PLD3: variants seen among roughly 807,000 people sequenced by gnomAD.
PLD3 encodes the protein phospholipase D family member 3, also known as 5'-3' exonuclease PLD3.
In PLD3, 31 loss-of-function variants were observed where a neutral mutation model predicts 58.4. That is an observed-to-expected ratio of 0.53 (90% CI 0.40 to 0.72). The LOEUF is 0.72. Among genes scored for constraint, PLD3 ranks in the 30% least tolerant of loss-of-function variants. The pLI, the probability that PLD3 is intolerant of heterozygous loss-of-function variation, is 0.00. For missense variants in PLD3, 595 were observed against 659.8 expected, an observed-to-expected ratio of 0.90 and a Z score of 1.08; for synonymous variants, 264 against 273.4, an observed-to-expected ratio of 0.97 and a Z score of 0.34.
intron 10 of PLD3, chr19:40,376,371 G>GAAAT: frequency 2.1e-6 from 1 of 478,278 alleles, no homozygotes; most frequent in Non-Finnish European, 3.7e-6. Context: ...AAAAAAGAAA[G>GAAAT]AATAAAAGAG....
chr19:40,374,705 G>T, intron 10 of PLD3, 85 bp downstream of exon 10: 1 of 1,486,602 alleles, frequency 6.7e-7, no homozygotes, highest in Middle Eastern at 1.8e-4. Context: ...AGCTGGTGGG[G>T]GCTCCAGGCA....
intron 1 of PLD3, among the ~76,000 whole-genome samples, chr19:40,361,956 C>T (rs185904986): frequency 1.1e-4 from 17 of 152,198 alleles, no homozygotes; most frequent in Admixed American, 8.5e-4. Flanking sequence ...CCCACCTCAG[C>T]CTCCTGAGTA....
chr19:40,374,927 G>A (rs2079156916), intron 10 of PLD3: 2 of 343,574 alleles, frequency 5.8e-6, no homozygotes, highest in South Asian at 3.1e-5. Flanking sequence ...GGGCTGAGGT[G>A]GGTGGATCAC....
At chr19:40,359,048 TG>T (rs1281750340) in intron 1 of PLD3, 2 of 152,328 alleles carry the variant, frequency 1.3e-5, no homozygotes, top group African/African-American at 4.8e-5. Flanking sequence ...ATCTCTTTTT[TG>T]TTTTTTGTTT....
Position 40,364,647 on chromosome 19 carries a change from T to A in PLD3, c.-278-1071T>A, listed in dbSNP as rs555453801. On this transcript the variant is annotated intron_variant, in intron 1 of 12. Coordinates refer to ENST00000409735, the MANE Select transcript of PLD3 (RefSeq NM_012268.4). ...TCTACTAAAAAATACAAAAAAAAAA[T>A]TAGCCGGGCATGGTGGCGGGCGCCT... is the stretch of plus-strand genomic sequence containing the variant. Among the ~76,000 whole-genome samples the A allele has an allele frequency of 8.2e-3, 1,242 of 151,142 alleles. 8 individuals are homozygous for A. The highest frequency in any genetic ancestry group is 0.036 in the South Asian group (170 of 4,770).
intron 1 of PLD3, among the ~76,000 whole-genome samples, chr19:40,355,462 G>A (rs998473724): frequency 3.3e-5 from 5 of 151,278 alleles, no homozygotes; most frequent in South Asian, 4.2e-4. Context: ...ACAGGCACGC[G>A]CCACCAGGGC....
At chr19:40,367,654 C>T (rs754109219) in intron 5 of PLD3, 42 bp from the exon 6 acceptor site, 1 of 1,552,502 alleles carries the variant, frequency 6.4e-7, no homozygotes, top group South Asian at 1.2e-5. Context: ...CCAGCCCTTG[C>T]TCTCCGGCAC....
chr19:40,366,244 T>G, intron 2 of PLD3, 175 bp from the exon 3 acceptor site: 1 of 594,228 alleles, frequency 1.7e-6, no homozygotes, highest in Non-Finnish European at 3.0e-6. Flanking sequence ...GCGTTGGATT[T>G]TGAGGGATTT....
chr19:40,361,867 G>C (rs1044707794), intron 1 of PLD3, among the ~76,000 whole-genome samples: 2 of 150,080 alleles, frequency 1.3e-5, no homozygotes, highest in Non-Finnish European at 3.0e-5. Flanking sequence ...TTTTGAGACG[G>C]AGTTTCCTTT....
rs984216208 is a variant in PLD3 at position 40,361,440 on chromosome 19, G to A, written c.-278-4278G>A. On this transcript the variant is annotated intron_variant, in intron 1 of 12. Coordinates refer to ENST00000409735, the MANE Select transcript of PLD3 (RefSeq NM_012268.4). ...TCCCCATCTCTTAAAAAAATCTGAA[G>A]CAGATCACATCATCCTTCCCTGCTG... Among the ~76,000 whole-genome samples the A allele has an allele frequency of 2.0e-5, 3 of 152,072 alleles. No homozygotes were observed. The South Asian group carries it at 6.2e-4, about 32-fold the overall frequency.
chr19:40,378,183 C>A lies in PLD3; in HGVS notation c.*10C>A. 1 of 1,603,584 alleles carries A rather than the reference C, an allele frequency of 6.2e-7. No individual in the cohort carries two copies. The highest frequency in any genetic ancestry group is 8.5e-7 in the Non-Finnish European group (1 of 1,174,506). On this transcript the variant is annotated 3_prime_UTR_variant, in exon 13 of 13. Coordinates refer to ENST00000409735, the MANE Select transcript of PLD3 (RefSeq NM_012268.4). Reference sequence around the variant, plus strand: ...CTGCCGCCTGCTCTGAGGCCCGATCCAGTGGGCAGGCCAAGGCCTGCTGGG... The same window carrying A: ...CTGCCGCCTGCTCTGAGGCCCGATCAAGTGGGCAGGCCAAGGCCTGCTGGG...
chr19:40,375,816 T>C, intron 10 of PLD3, among the ~76,000 whole-genome samples: 1 of 151,996 alleles, frequency 6.6e-6, no homozygotes, highest in Non-Finnish European at 1.5e-5. Flanking sequence ...CCCAACACTT[T>C]GGGAGGCCGA....
chr19:40,362,671 C>T (rs2078816002), intron 1 of PLD3, among the ~76,000 whole-genome samples: 1 of 152,198 alleles, frequency 6.6e-6, no homozygotes, highest in African/African-American at 2.4e-5. Flanking sequence ...CTCCTGGGCT[C>T]AAGCAATCCT....
chr19:40,378,330 G>A lies in PLD3; in HGVS notation c.*157G>A, dbSNP rs1014519550. The A allele has an allele frequency of 3.0e-5, 23 of 755,690 alleles. No individual in the cohort carries two copies. Among genetic ancestry groups the A allele is most frequent in the Non-Finnish European group, 4.2e-5 (18 of 431,214 alleles). The allele number at this position is 755,690 out of a possible 1,614,324, so 46.8% of individuals were successfully genotyped here. On this transcript the variant is annotated 3_prime_UTR_variant, in exon 13 of 13. Coordinates refer to ENST00000409735, the MANE Select transcript of PLD3 (RefSeq NM_012268.4). Reference sequence around the variant, plus strand: ...TCCCACCTCTACCTCCACCCCCACCGGCCTGACGCTGTGGCCCCGGGACCC... The same window carrying A: ...TCCCACCTCTACCTCCACCCCCACCAGCCTGACGCTGTGGCCCCGGGACCC...
chr19:40,369,562 C>T lies in PLD3; in HGVS notation c.430-346C>T, dbSNP rs181626422. On this transcript the variant is annotated intron_variant, in intron 6 of 12. Transcript: ENST00000409735. ...GTTGTTGGCATCATCGTGCCTCACC[C>T]GATACCTTCCAGGACCCCCTGCCTG... Among the ~76,000 whole-genome samples the T allele has an allele frequency of 3.3e-5, 5 of 152,216 alleles. No homozygotes were observed. The East Asian group carries it at 9.7e-4, about 29-fold the overall frequency.
At chr19:40,366,948 G>C in intron 5 of PLD3, 33 bp downstream of exon 5, 3 of 1,570,306 alleles carry the variant, frequency 1.9e-6, no homozygotes, top group African/African-American at 1.4e-5. Context: ...GGTGGGGGAG[G>C]GGCCTGCCAG....
chr19:40,367,834 C>G lies in PLD3; in HGVS notation c.384C>G (p.Thr128=), dbSNP rs753300888. 5.0e-6 allele frequency: 8 copies of G among 1,586,290 alleles called. No homozygotes were observed. Among genetic ancestry groups the G allele is most frequent in the Non-Finnish European group, 5.1e-6 (6 of 1,167,652 alleles). The change falls in exon 6 of 13, where the codon ACC becomes ACG. Residue 128 remains threonine, a synonymous_variant. Coordinates refer to ENST00000409735, the MANE Select transcript of PLD3 (RefSeq NM_012268.4). ...SSLDIASFYW[T]LTNNDTHTQE... The stretch of plus-strand genomic sequence containing the variant: ...TGGACATCGCCTCCTTCTACTGGAC[C>G]CTCACCAACAATGACACCCACACGC...
At chr19:40,366,181 TGGGTGCTGATG>T (rs2078917318) in intron 2 of PLD3, 2 of 490,826 alleles carry the variant, frequency 4.1e-6, no homozygotes, top group Non-Finnish European at 7.3e-6. Context: ...GGGAGCTGCG[TGGGTGCTGATG>T]GGGGCAGGGT....
chr19:40,367,121 T>C, intron 5 of PLD3: 1 of 576,694 alleles, frequency 1.7e-6, no homozygotes, highest in Non-Finnish European at 3.0e-6. Flanking sequence ...GTCAGGCCTG[T>C]GAACAGACAC....
Sources: gnomAD v4.1 joint callset for allele counts (sites outside exome capture counted in the v4.1 genomes callset) on GRCh38, gnomAD v4.1.1 for gene constraint, MANE v1.5 for transcripts, NCBI Gene and HGNC (gene_info 2026-07-23, HGNC 2026-07-21) for gene names.